The following PCDHGB3 variants were observed in gnomAD, a reference collection of about 807,000 sequenced individuals.
PCDHGB3 encodes the protein protocadherin gamma subfamily B, 3, also known as protocadherin gamma-B3.
Under a neutral mutation model 59.2 loss-of-function variants are expected in PCDHGB3, and 40 were observed. That is an observed-to-expected ratio of 0.68 (90% CI 0.52 to 0.88). PCDHGB3 has a LOEUF of 0.88. PCDHGB3 is among the 40% of genes least tolerant of loss of function. The pLI is 0.00. For synonymous variants in PCDHGB3, 581 were observed against 503.6 expected (o/e 1.15, Z -2.06); for missense variants, 1,309 against 1,187.9 (o/e 1.10, Z -1.50).
intron 2 of PCDHGB3, among the ~76,000 whole-genome samples, chr5:141,499,800 C>A (rs2099794584): frequency 6.6e-6 from 1 of 150,704 alleles, no homozygotes; most frequent in Admixed American, 6.7e-5. Context: ...AATTCTCATG[C>A]TTCAGCCTCC....
chr5:141,414,222 A>G lies in PCDHGB3; in HGVS notation c.2415+41413A>G, dbSNP rs1038407271. 3.7e-6 allele frequency: 6 copies of G among 1,613,316 alleles called. No individual in the cohort carries two copies. The African/African-American group carries it at 5.3e-5, about 14-fold the overall frequency. On this transcript the variant is annotated intron_variant, in intron 1 of 3. Coordinates refer to ENST00000576222, the MANE Select transcript of PCDHGB3 (RefSeq NM_018924.5). ...TAGAAGATGTAAATGACAACAGTCC[A>G]GAGCTGACCATCACGTCTCTATTTA...
Position 141,432,097 on chromosome 5 carries a change from C to T in PCDHGB3, c.2415+59288C>T, listed in dbSNP as rs1428283489. The stretch of plus-strand genomic sequence containing the variant: ...TCTCGCTGAACGTGGCAGACACCAA[C>T]GACAACCCGCCGGTCTTCCCTCAGG... On this transcript the variant is annotated intron_variant, in intron 1 of 3. Transcript: ENST00000576222. This position sits in a 1 kb window ranked among gnomAD's most constrained non-coding sequence, Gnocchi z 6.0. 6 of 1,614,066 alleles carry T rather than the reference C, an allele frequency of 3.7e-6. No individual in the cohort carries two copies. The highest frequency in any genetic ancestry group is 2.7e-5 in the African/African-American group (2 of 74,920).
chr5:141,457,417 CT>C lies in PCDHGB3; in HGVS notation c.2416-37385del, dbSNP rs894846890. On this transcript the variant is annotated intron_variant, in intron 1 of 3. Transcript: ENST00000576222. ...ATTCACATTTTCACATTACCCATCC[CT>C]TTTTCCCCCCCACCAAGCTGCAGAA... Among the ~76,000 whole-genome samples, 3 of 152,296 alleles carry C rather than the reference CT, an allele frequency of 2.0e-5. No individual in the cohort carries two copies. In the South Asian group the frequency reaches 6.2e-4, roughly 32 times the overall value.
chr5:141,433,110 G>C (rs1031253372), intron 1 of PCDHGB3: 1 of 1,614,098 alleles, frequency 6.2e-7, no homozygotes, highest in Middle Eastern at 1.7e-4. Context: ...AGCCAGGAGA[G>C]CTTTGAAAAA....
chr5:141,384,247 C>T (rs1779885951), intron 1 of PCDHGB3: 1 of 1,613,912 alleles, frequency 6.2e-7, no homozygotes, highest in Non-Finnish European at 8.5e-7. Flanking sequence ...CGATAACCCA[C>T]CCACCTTCCC....
At chr5:141,421,407 G>T in intron 1 of PCDHGB3, 1 of 1,614,076 alleles carries the variant, frequency 6.2e-7, no homozygotes. Flanking sequence ...CCCGGGAGCT[G>T]GCGAAGCGCG....
chr5:141,374,416 G>A, intron 1 of PCDHGB3: 2 of 1,613,948 alleles, frequency 1.2e-6, no homozygotes, highest in Non-Finnish European at 1.7e-6. Context: ...TCCTTGTCGA[G>A]GATAAACTGA....
In PCDHGB3 at chr5:141,491,623, G is replaced by C; in HGVS notation, c.2416-3184G>C. On this transcript the variant is annotated intron_variant, in intron 1 of 3. Coordinates refer to ENST00000576222, the MANE Select transcript of PCDHGB3 (RefSeq NM_018924.5). The surrounding 1 kb of genome is among the most constrained non-coding windows in gnomAD (Gnocchi z 6.9). ...CTTCACTTTTCTAAGACCCCTCAGC[G>C]TTCAGCAGCCCACAGCTCTGGCGCT... 1 of 1,613,930 alleles carries C rather than the reference G, an allele frequency of 6.2e-7. No individual in the cohort carries two copies. Among genetic ancestry groups the C allele is most frequent in the Non-Finnish European group, 8.5e-7 (1 of 1,180,020 alleles).
At chr5:141,393,314 C>T (rs2150518180) in intron 1 of PCDHGB3, 1 of 1,613,076 alleles carries the variant, frequency 6.2e-7, no homozygotes, top group Non-Finnish European at 8.5e-7. Flanking sequence ...TGAACTCCCT[C>T]CAGAGCTACC....
At chr5:141,385,003 T>C (rs1480894446) in intron 1 of PCDHGB3, 1 of 1,614,148 alleles carries the variant, frequency 6.2e-7, no homozygotes, top group South Asian at 1.1e-5. Context: ...CACAGTCTCC[T>C]GCGTCTTCCT....
chr5:141,477,351 G>A lies in PCDHGB3; in HGVS notation c.2416-17456G>A. 6.2e-7 allele frequency: 1 copy of A among 1,614,126 alleles called. No homozygotes were observed. The highest frequency in any genetic ancestry group is 8.5e-7 in the Non-Finnish European group (1 of 1,180,018). On this transcript the variant is annotated intron_variant, in intron 1 of 3. Transcript: ENST00000576222. This position sits in a 1 kb window ranked among gnomAD's most constrained non-coding sequence, Gnocchi z 4.9. ...AAGAATTACTTCACTTTGAAAACCA[G>A]TGCAGACCTGGATCGGGAGACTGTG...
chr5:141,390,003 C>A, intron 1 of PCDHGB3: 1 of 1,614,056 alleles, frequency 6.2e-7, no homozygotes, highest in Non-Finnish European at 8.5e-7. Flanking sequence ...GGCCATGATT[C>A]TGGCCATTGC....
intron 1 of PCDHGB3, among the ~76,000 whole-genome samples, chr5:141,480,960 A>G (rs954219522): frequency 1.3e-5 from 2 of 152,190 alleles, no homozygotes; most frequent in African/African-American, 4.8e-5. Context: ...CGGAAGCATC[A>G]GTGAGGGAGA....
intron 3 of PCDHGB3, among the ~76,000 whole-genome samples, chr5:141,508,506 C>G (rs2099869342): frequency 6.6e-6 from 1 of 152,180 alleles, no homozygotes; most frequent in Admixed American, 6.5e-5. Context: ...TCTCTCCCTC[C>G]TGGTCCAGCC....
chr5:141,376,384 T>G, intron 1 of PCDHGB3: 1 of 1,614,204 alleles, frequency 6.2e-7, no homozygotes, highest in South Asian at 1.1e-5. Flanking sequence ...GTAAGAGTCA[T>G]CTGATTTTCC....
At chr5:141,501,103 G>A (rs1449600108) in intron 2 of PCDHGB3, among the ~76,000 whole-genome samples, 9 of 152,078 alleles carry the variant, frequency 5.9e-5, no homozygotes, top group African/African-American at 1.4e-4. Context: ...TCTTGACCTC[G>A]TGATCCGCCT....
chr5:141,420,022 T>A, intron 1 of PCDHGB3: 3 of 1,614,104 alleles, frequency 1.9e-6, no homozygotes, highest in Middle Eastern at 3.3e-4. Flanking sequence ...CTTTCAGCCC[T>A]ACTGCAGGAG....
chr5:141,372,498 C>A lies in PCDHGB3; in HGVS notation c.2104C>A (p.Leu702Ile). The part of the protein sequence containing the change: ...LVVALALISV[L>I]FLLAVILAIS... ...AGTGGCGTTGGCCTTGATCTCAGTG[C>A]TCTTCCTCCTCGCGGTGATTCTGGC... The change falls in exon 1 of 4, where the codon CTC becomes ATC. Residue 702 changes from leucine to isoleucine, a missense_variant. By Grantham distance (5) the Leu-to-Ile change is conservative. Coordinates refer to ENST00000576222, the MANE Select transcript of PCDHGB3 (RefSeq NM_018924.5). The A allele has an allele frequency of 6.2e-7, 1 of 1,614,054 alleles. No homozygotes were observed. Among genetic ancestry groups the A allele is most frequent in the Admixed American group, 1.7e-5 (1 of 60,036 alleles).
rs576937130 is a variant in PCDHGB3 at position 141,427,508 on chromosome 5, G to A, written c.2415+54699G>A. ...ATAAGCTTGTAACAGATGGGACCCT[G>A]GATTGGGAGCGGATCCCGGAGTACA... On this transcript the variant is annotated intron_variant, in intron 1 of 3. Transcript: ENST00000576222. 9.9e-4 allele frequency: 584 copies of A among 587,058 alleles called. 6 individuals carry two copies. The highest frequency in any genetic ancestry group is 3.0e-4 in the Non-Finnish European group (94 of 311,294). The allele number at this position is 587,058 out of a possible 1,614,324, so 36.4% of individuals were successfully genotyped here.
Sources: allele counts gnomAD v4.1 joint callset (sites outside exome capture counted in the v4.1 genomes callset), GRCh38; gene constraint gnomAD v4.1.1; non-coding constraint Gnocchi (gnomAD v3.1); transcripts MANE v1.5; gene names NCBI Gene and HGNC (gene_info 2026-07-23, HGNC 2026-07-21).